The following TOX variants were observed in gnomAD, a reference collection of about 807,000 sequenced individuals.
The protein encoded by TOX is thymocyte selection-associated high mobility group box protein TOX.
A neutral mutation model predicts 53.7 loss-of-function variants in TOX; 11 were observed. That is an observed-to-expected ratio of 0.20 (90% confidence interval 0.13 to 0.34). TOX has a LOEUF of 0.34. Ranked by LOEUF, TOX falls within the 10% of genes least tolerant of loss-of-function variation. The probability of loss-of-function intolerance (pLI) is 1.00; values close to 1 mark genes in which losing one functional copy is unlikely to be tolerated. For synonymous variants in TOX, 225 were observed against 245.3 expected, an observed-to-expected ratio of 0.92 and a Z score of 0.77; for missense variants, 570 against 664.6, an observed-to-expected ratio of 0.86 and a Z score of 1.56.
At chr8:58,865,265 A>G (rs1457767001) in intron 3 of TOX, among the ~76,000 whole-genome samples, 4 of 152,170 alleles carry the variant, frequency 2.6e-5, no homozygotes, top group African/African-American at 9.7e-5. Flanking sequence ...GGTCCCTGCC[A>G]TTATATATTG....
In TOX at chr8:59,009,712, T is replaced by G. The variant is rs533346972; in HGVS notation, c.103-49704A>C. 2.0e-5 allele frequency among the ~76,000 whole-genome samples: 3 copies of G among 152,294 alleles called. No individual in the cohort carries two copies. The East Asian group carries it at 5.8e-4, about 29-fold the overall frequency. ...CCCTGTTTCTCTCTTCCACATTCTA[T>G]GTTTTATTTTTCCCTTTGAGGTACT... On this transcript the variant is annotated intron_variant, in intron 1 of 8. Coordinates refer to ENST00000361421, the MANE Select transcript of TOX (RefSeq NM_014729.3).
chr8:59,060,391 G>T (rs747791056), intron 1 of TOX, among the ~76,000 whole-genome samples: 12 of 152,216 alleles, frequency 7.9e-5, no homozygotes, highest in Non-Finnish European at 1.6e-4. Context: ...ACTTTGGGAG[G>T]CCAAGGCGGG....
At chr8:58,918,837 G>C (rs1394848235) in intron 3 of TOX, among the ~76,000 whole-genome samples, 3 of 145,554 alleles carry the variant, frequency 2.1e-5, no homozygotes, top group Non-Finnish European at 4.5e-5. Flanking sequence ...TCCTTAAGCT[G>C]ATAAGCAACT....
intron 1 of TOX, among the ~76,000 whole-genome samples, chr8:59,028,919 T>C (rs963817904): frequency 3.3e-5 from 5 of 152,180 alleles, no homozygotes; most frequent in Admixed American, 6.5e-5. Flanking sequence ...GTTTTTGGCT[T>C]GATTAGTCAA....
At chr8:59,031,458 C>A (rs368185813) in intron 1 of TOX, among the ~76,000 whole-genome samples, 4 of 152,152 alleles carry the variant, frequency 2.6e-5, no homozygotes, top group Admixed American at 6.5e-5. Context: ...ATGTTCCAGG[C>A]GCTGTTCTAA....
chr8:58,833,083 A>G (rs1280263626), intron 5 of TOX, among the ~76,000 whole-genome samples: 1 of 152,240 alleles, frequency 6.6e-6, no homozygotes, highest in Non-Finnish European at 1.5e-5. Flanking sequence ...TGAATACACT[A>G]AACTCTGAAT....
chr8:58,882,932 C>A (rs1413611249), intron 3 of TOX, among the ~76,000 whole-genome samples: 1 of 152,180 alleles, frequency 6.6e-6, no homozygotes, highest in Non-Finnish European at 1.5e-5. Flanking sequence ...ATTGGAAATT[C>A]CACTCTTTAA....
At chr8:58,824,877 GA>G (rs1282051023) in intron 6 of TOX, among the ~76,000 whole-genome samples, 5 of 152,106 alleles carry the variant, frequency 3.3e-5, no homozygotes, top group African/African-American at 7.2e-5. Flanking sequence ...GGGGGGTGGG[GA>G]AAAAATAGAG....
At chr8:58,818,920 G>T (rs1444850932) in intron 6 of TOX, among the ~76,000 whole-genome samples, 3 of 152,142 alleles carry the variant, frequency 2.0e-5, no homozygotes, top group Non-Finnish European at 4.4e-5. Context: ...CCCATACTTT[G>T]GGAATTTGTA....
At chr8:58,952,349 A>G (rs1812635183) in intron 2 of TOX, among the ~76,000 whole-genome samples, 1 of 152,236 alleles carries the variant, frequency 6.6e-6, no homozygotes, top group Admixed American at 6.5e-5. Flanking sequence ...AAATTGAAGT[A>G]TTATACTTAT....
intron 2 of TOX, among the ~76,000 whole-genome samples, chr8:58,958,377 G>A (rs556595991): frequency 6.6e-6 from 1 of 152,288 alleles, no homozygotes; most frequent in East Asian, 1.9e-4. Flanking sequence ...CTAAGAGGGA[G>A]CAGCTGCTTT....
intron 3 of TOX, among the ~76,000 whole-genome samples, chr8:58,881,109 G>T (rs1388717817): frequency 6.6e-6 from 1 of 151,988 alleles, no homozygotes; most frequent in Non-Finnish European, 1.5e-5. Context: ...TCAGAATGTG[G>T]ATCCACAAAC....
At chr8:58,823,594 G>A (rs942756831) in intron 6 of TOX, among the ~76,000 whole-genome samples, 4 of 152,176 alleles carry the variant, frequency 2.6e-5, no homozygotes, top group Admixed American at 1.3e-4. Flanking sequence ...AATTTCACAG[G>A]TAGAGTCAAA....
chr8:58,920,737 G>GAAAAAAAAAAAAAAAAAAAAA (rs1397497086), intron 3 of TOX, among the ~76,000 whole-genome samples: 1 of 47,742 alleles, frequency 2.1e-5, no homozygotes. Flanking sequence ...AAAAAAAAAA[G>GAAAAAAAAAAAAAAAAAAAAA]AAAAAAAAGA....
chr8:58,882,412 T>A (rs1183397116), intron 3 of TOX, among the ~76,000 whole-genome samples: 1 of 152,226 alleles, frequency 6.6e-6, no homozygotes, highest in Non-Finnish European at 1.5e-5. Flanking sequence ...GAGAAGCATT[T>A]CTTAGTGGTC....
chr8:58,808,252 G>C lies in TOX; in HGVS notation c.1410C>G (p.Pro470=), dbSNP rs200321240. The change falls in exon 8 of 9, where the codon CCC becomes CCG. Residue 470 remains proline, a synonymous_variant. Transcript: ENST00000361421. ...PTMQQGFTLQ[P]DYQTIINPTS... The stretch of plus-strand genomic sequence containing the variant: ...TAGGATTGATAATAGTCTGATAGTC[G>C]GGTTGAAGAGTAAATCCCTGAAAGG... The C allele has an allele frequency of 6.2e-7, 1 of 1,609,898 alleles. No individual in the cohort carries two copies. The highest frequency in any genetic ancestry group is 8.5e-7 in the Non-Finnish European group (1 of 1,178,772).
intron 2 of TOX, among the ~76,000 whole-genome samples, chr8:58,949,271 T>C (rs2129177370): frequency 6.6e-6 from 1 of 152,338 alleles, no homozygotes; most frequent in South Asian, 2.1e-4. Context: ...TCCATGCCAA[T>C]AAATATTATC....
intron 6 of TOX, among the ~76,000 whole-genome samples, chr8:58,824,566 G>A (rs1810336334): frequency 6.6e-6 from 1 of 152,206 alleles, no homozygotes; most frequent in Non-Finnish European, 1.5e-5. Flanking sequence ...CTTTCCTCTG[G>A]CTCTCTGGTT....
At chr8:58,925,961 A>C (rs1452996391) in intron 3 of TOX, among the ~76,000 whole-genome samples, 2 of 152,146 alleles carry the variant, frequency 1.3e-5, no homozygotes, top group African/African-American at 4.8e-5. Flanking sequence ...GTGTATGCAT[A>C]AGAGGGTCTT....
Sources: gnomAD v4.1 joint callset for allele counts (sites outside exome capture counted in the v4.1 genomes callset) on GRCh38, gnomAD v4.1.1 for gene constraint, MANE v1.5 for transcripts, NCBI Gene and HGNC (gene_info 2026-07-23, HGNC 2026-07-21) for gene names.